Variants in NR6A1 observed in about 807,000 individuals in gnomAD.
NR6A1 encodes the protein nuclear receptor subfamily 6 group A member 1.
A neutral mutation model predicts 59.1 loss-of-function variants in NR6A1; 7 were observed. That is an observed-to-expected ratio of 0.12 (90% CI 0.07 to 0.22). The LOEUF is 0.22. Among genes scored for constraint, NR6A1 ranks in the 10% least tolerant of loss-of-function variants. The probability of loss-of-function intolerance (pLI) is 1.00; values close to 1 mark genes in which losing one functional copy is unlikely to be tolerated. For missense variants in NR6A1, 468 were observed against 611.6 expected (o/e 0.77, Z 2.48); for synonymous variants, 243 against 236.1 (o/e 1.03, Z -0.27).
chr9:124,770,018 C>T (rs1841069516), intron 1 of NR6A1: 2 of 152,300 alleles, frequency 1.3e-5, no homozygotes, highest in East Asian at 1.9e-4. Context: ...CGAGGAAGCC[C>T]CGAGGAACCT....
chr9:124,634,682 C>G (rs566545157), intron 2 of NR6A1, among the ~76,000 whole-genome samples: 18 of 152,244 alleles, frequency 1.2e-4, no homozygotes, highest in African/African-American at 3.1e-4. Context: ...ATTAGCTGGG[C>G]ATGGTGGCGG....
chr9:124,676,004 A>G (rs920170577), intron 2 of NR6A1, among the ~76,000 whole-genome samples: 2 of 152,212 alleles, frequency 1.3e-5, no homozygotes, highest in Non-Finnish European at 2.9e-5. Flanking sequence ...AACTGCCTGA[A>G]TAGATACCCA....
chr9:124,611,774 A>AGAGAGATAGAGAGAGAGAGAAT (rs1554733163), intron 2 of NR6A1, among the ~76,000 whole-genome samples: 1 of 105,666 alleles, frequency 9.5e-6, no homozygotes, highest in Non-Finnish European at 1.8e-5. Flanking sequence ...AGAGAGAGAG[A>AGAGAGATAGAGAGAGAGAGAAT]GAGAGAGAAT....
At chr9:124,732,825 T>C (rs1214007467) in intron 2 of NR6A1, among the ~76,000 whole-genome samples, 4 of 151,740 alleles carry the variant, frequency 2.6e-5, no homozygotes, top group African/African-American at 9.7e-5. Flanking sequence ...GCCTCCCGAG[T>C]AGCTGGGACT....
At chr9:124,696,846 C>T (rs1269791889) in intron 2 of NR6A1, among the ~76,000 whole-genome samples, 2 of 151,992 alleles carry the variant, frequency 1.3e-5, no homozygotes, top group Non-Finnish European at 2.9e-5. Flanking sequence ...TTAGTAGAGA[C>T]AGGATTTTGC....
At chr9:124,545,030 T>C (rs1833557751) in intron 3 of NR6A1, among the ~76,000 whole-genome samples, 3 of 152,206 alleles carry the variant, frequency 2.0e-5, no homozygotes, top group South Asian at 2.1e-4. Flanking sequence ...ATCTAGGAAG[T>C]TCCCCAGGCA....
intron 1 of NR6A1, among the ~76,000 whole-genome samples, chr9:124,734,460 A>G (rs1839966995): frequency 6.6e-6 from 1 of 152,224 alleles, no homozygotes; most frequent in South Asian, 2.1e-4. Flanking sequence ...TGGGAGGCCA[A>G]AACGAGCTGA....
intron 1 of NR6A1, among the ~76,000 whole-genome samples, chr9:124,761,748 T>A (rs768508763): frequency 6.6e-6 from 1 of 152,240 alleles, no homozygotes; most frequent in Non-Finnish European, 1.5e-5. Flanking sequence ...TTATCTCTTA[T>A]AAATTGTTCA....
chr9:124,769,829 A>G (rs757343676), intron 1 of NR6A1, among the ~76,000 whole-genome samples: 1 of 152,196 alleles, frequency 6.6e-6, no homozygotes, highest in African/African-American at 2.4e-5. Context: ...TCCCGGGGCG[A>G]TCGCCTGCGC....
At chr9:124,720,707 T>G (rs143225191) in intron 2 of NR6A1, among the ~76,000 whole-genome samples, 5 of 152,088 alleles carry the variant, frequency 3.3e-5, no homozygotes, top group Admixed American at 1.3e-4. Context: ...GACCAAAGAG[T>G]ACCCAGAAAG....
intron 2 of NR6A1, among the ~76,000 whole-genome samples, chr9:124,593,876 C>G (rs1588695087): frequency 6.6e-6 from 1 of 152,116 alleles, no homozygotes; most frequent in Non-Finnish European, 1.5e-5. Context: ...AACCCCCATT[C>G]TGAAAGATAG....
At chr9:124,547,423 G>GCTAT (rs1316264390) in intron 3 of NR6A1, among the ~76,000 whole-genome samples, 19 of 152,090 alleles carry the variant, frequency 1.2e-4, no homozygotes, top group African/African-American at 2.2e-4. Flanking sequence ...TGCCATAAAT[G>GCTAT]CTATACCCTA....
intron 2 of NR6A1, among the ~76,000 whole-genome samples, chr9:124,559,289 C>G (rs1248330428): frequency 2.6e-5 from 4 of 152,206 alleles, no homozygotes; most frequent in Non-Finnish European, 5.9e-5. Flanking sequence ...TTGCACATCT[C>G]TAGTGACTCA....
chr9:124,539,903 A>G, intron 5 of NR6A1, 130 bp downstream of exon 5: 1 of 1,063,446 alleles, frequency 9.4e-7, no homozygotes. Context: ...CCCCTACTCC[A>G]AGAGTCTGAG....
chr9:124,578,748 C>T (rs1564187531), intron 2 of NR6A1, among the ~76,000 whole-genome samples: 1 of 152,156 alleles, frequency 6.6e-6, no homozygotes, highest in Non-Finnish European at 1.5e-5. Context: ...ACTCTACTTC[C>T]TCTAGAAGAT....
chr9:124,538,215 C>T lies in NR6A1; in HGVS notation c.701G>A (p.Gly234Asp). 1 of 1,614,090 alleles carries T rather than the reference C, an allele frequency of 6.2e-7. No homozygotes were observed. Among genetic ancestry groups the T allele is most frequent in the Non-Finnish European group, 8.5e-7 (1 of 1,179,998 alleles). ...TTGTTGGGGCAGAAGTGGTGAGTGG[C>T]CAGAATAGCTAAAAAGGTGCGGTAT... ...QYIPHLFSYS[G>D]HSPLLPQQAR... The change falls in exon 6 of 10, where the codon GGC (glycine) becomes GAC (aspartate). Residue 234 changes from glycine (G) to aspartate (D), a missense_variant. Transcript: ENST00000487099.
At chr9:124,689,979 G>C (rs993150909) in intron 2 of NR6A1, among the ~76,000 whole-genome samples, 3 of 152,120 alleles carry the variant, frequency 2.0e-5, no homozygotes, top group Non-Finnish European at 4.4e-5. Flanking sequence ...CAATCCCTAG[G>C]ATTCTACTGC....
intron 2 of NR6A1, among the ~76,000 whole-genome samples, chr9:124,564,455 G>A (rs552663160): frequency 5.9e-5 from 9 of 152,188 alleles, no homozygotes; most frequent in South Asian, 4.1e-4. Flanking sequence ...AAAAGATGCC[G>A]TTTACAATAG....
chr9:124,606,300 T>C (rs910587132), intron 2 of NR6A1, among the ~76,000 whole-genome samples: 23 of 152,342 alleles, frequency 1.5e-4, no homozygotes, highest in Non-Finnish European at 2.8e-4. Flanking sequence ...TCTATGAATG[T>C]CCACCATTTC....
Sources: allele counts gnomAD v4.1 joint callset (sites outside exome capture counted in the v4.1 genomes callset), GRCh38; gene constraint gnomAD v4.1.1; transcripts MANE v1.5; gene names NCBI Gene and HGNC (gene_info 2026-07-23, HGNC 2026-07-21).